USH2A: variants seen among roughly 807,000 people sequenced by gnomAD.
USH2A encodes Usher syndrome 2A (autosomal recessive, mild).
In USH2A, 443 loss-of-function variants were observed where a neutral mutation model predicts 538.9. The ratio of observed to expected loss-of-function variants is 0.82; its 90% CI spans 0.76 to 0.89. USH2A has a LOEUF of 0.89. Among genes scored for constraint, USH2A ranks in the 40% least tolerant of loss-of-function variants. The pLI is 0.00. For missense variants in USH2A, 6,633 were observed against 6,324.8 expected (o/e 1.05, Z -1.65); for synonymous variants, 2,413 against 2,273.5 (o/e 1.06, Z -1.75).
intron 47 of USH2A, among the ~76,000 whole-genome samples, chr1:215,822,363 T>C (rs1017402416): frequency 2.6e-5 from 4 of 151,950 alleles, no homozygotes; most frequent in African/African-American, 9.7e-5. Flanking sequence ...GATTCCTAGG[T>C]ATTTTATATT....
rs150688328 is a variant in USH2A at position 215,634,645 on chromosome 1, G to C, written c.15111C>G (p.Phe5037Leu). 9.9e-6 allele frequency: 16 copies of C among 1,614,120 alleles called. No individual in the cohort carries two copies. The African/African-American group carries it at 2.0e-4, about 20-fold the overall frequency. ...KKGSRSKSTE[F>L]YSELWFIVLM... ...ACACTATGAACCACAGCTCGCTGTA[G>C]AACTCTGTGCTTTTGCTCCGCGATC... The change falls in exon 70 of 72, where the codon TTC (phenylalanine) becomes TTG (leucine). Residue 5037 changes from phenylalanine to leucine, a missense_variant. Phe to Leu is a conservative substitution (Grantham distance 22, BLOSUM62 0). Coordinates refer to ENST00000307340, the MANE Select transcript of USH2A (RefSeq NM_206933.4).
intron 10 of USH2A, among the ~76,000 whole-genome samples, chr1:216,290,117 G>A (rs956392550): frequency 2.4e-4 from 36 of 152,072 alleles, no homozygotes; most frequent in Non-Finnish European, 5.9e-5. Flanking sequence ...AATTTTTAAA[G>A]TGAACGTGAC....
At chr1:215,985,041 T>G (rs538675578) in intron 35 of USH2A, among the ~76,000 whole-genome samples, 32 of 152,242 alleles carry the variant, frequency 2.1e-4, no homozygotes, top group African/African-American at 7.0e-4. Context: ...TGACTGGAGG[T>G]GTTTCATAAA....
intron 38 of USH2A, among the ~76,000 whole-genome samples, chr1:215,908,493 A>G (rs1665695523): frequency 1.3e-5 from 2 of 151,932 alleles, no homozygotes; most frequent in Admixed American, 1.3e-4. Context: ...TATGATATAA[A>G]CTTTAAAGAT....
At chr1:215,788,200 T>C (rs1410794176) in intron 51 of USH2A, among the ~76,000 whole-genome samples, 3 of 152,024 alleles carry the variant, frequency 2.0e-5, no homozygotes, top group Admixed American at 1.3e-4. Context: ...AGCTGGAAAG[T>C]AGATGAATGT....
intron 21 of USH2A, chr1:216,174,218 A>G (rs2034327953): frequency 1.0e-6 from 1 of 985,136 alleles, no homozygotes; most frequent in Admixed American, 6.2e-5. Context: ...TCACATATGC[A>G]ATATTTTAAA....
At position 216,160,179 on chromosome 1, in the gene USH2A, AT is replaced by A. The variant is rs374295924; in HGVS notation, c.4627+15072del. On this transcript the variant is annotated intron_variant, in intron 21 of 71. Coordinates refer to ENST00000307340, the MANE Select transcript of USH2A (RefSeq NM_206933.4). ...TTTTTATAATTTCTTTTATTCAAAT[AT>A]TTTTTGGGTGTCATATGCTGCTTTA... Among the ~76,000 whole-genome samples, 1,383 of 151,882 alleles carry A rather than the reference AT, an allele frequency of 9.1e-3. 20 individuals carry two copies. The highest frequency in any genetic ancestry group is 0.03 in the African/African-American group (1,238 of 41,442).
In USH2A at chr1:216,084,686, T is replaced by G; in HGVS notation, c.5167+12A>C. 1 of 1,612,334 alleles carries G rather than the reference T, an allele frequency of 6.2e-7. No individual in the cohort carries two copies. Among genetic ancestry groups the G allele is most frequent in the African/African-American group, 1.3e-5 (1 of 75,020 alleles). ...TTTTAAGTGAACACTCATGTCTTTT[T>G]TAGAGCATTACCTGCTCCTAGGAAC... is the stretch of plus-strand genomic sequence containing the variant. On this transcript the variant is annotated intron_variant, in intron 25 of 71. Transcript: ENST00000307340.
At chr1:216,304,685 T>C (rs1028119677) in intron 9 of USH2A, among the ~76,000 whole-genome samples, 1 of 152,084 alleles carries the variant, frequency 6.6e-6, no homozygotes, top group African/African-American at 2.4e-5. Context: ...ACCTTTGCTG[T>C]ATCATGGAGG....
intron 58 of USH2A, among the ~76,000 whole-genome samples, chr1:215,746,062 T>C (rs1308187987): frequency 7.0e-6 from 1 of 142,262 alleles, no homozygotes; most frequent in Non-Finnish European, 1.6e-5. Flanking sequence ...CCTCGAATAA[T>C]GTTGTTTCAT....
chr1:216,285,398 A>T (rs2036862267), intron 11 of USH2A, among the ~76,000 whole-genome samples: 1 of 152,222 alleles, frequency 6.6e-6, no homozygotes, highest in Admixed American at 6.5e-5. Flanking sequence ...TGTGCAGAAG[A>T]CAAGAATTGA....
chr1:215,836,477 TATA>T (rs1174796672), intron 47 of USH2A, among the ~76,000 whole-genome samples: 283 of 8,334 alleles, frequency 0.034, 9 homozygotes, highest in African/African-American at 0.094. Context: ...TATATATATA[TATA>T]ATATATATTA....
intron 9 of USH2A, among the ~76,000 whole-genome samples, chr1:216,310,519 T>G (rs752259365): frequency 6.6e-6 from 1 of 152,118 alleles, no homozygotes; most frequent in East Asian, 1.9e-4. Context: ...TTGTAGGAAA[T>G]CTTCATTTCT....
intron 32 of USH2A, among the ~76,000 whole-genome samples, chr1:216,041,080 T>C (rs2030253803): frequency 6.6e-6 from 1 of 152,030 alleles, no homozygotes; most frequent in Admixed American, 6.6e-5. Flanking sequence ...CTAGAATGTA[T>C]ATACCTCACG....
chr1:215,946,571 C>T (rs574814), intron 37 of USH2A, among the ~76,000 whole-genome samples: 3,770 of 152,234 alleles, frequency 0.025, 62 homozygotes, highest in South Asian at 0.054. Flanking sequence ...TCTTGAAACC[C>T]GGTAGACAAA....
At chr1:215,682,160 T>C (rs906522554) in intron 61 of USH2A, among the ~76,000 whole-genome samples, 2 of 152,086 alleles carry the variant, frequency 1.3e-5, no homozygotes, top group African/African-American at 4.8e-5. Context: ...GCAAGATTAA[T>C]AATGCAAAAA....
intron 21 of USH2A, among the ~76,000 whole-genome samples, chr1:216,168,294 A>G (rs1198643870): frequency 4.6e-5 from 7 of 152,166 alleles, no homozygotes; most frequent in Non-Finnish European, 8.8e-5. Context: ...TAAGCAATGA[A>G]GTCTTTGAAA....
At chr1:216,386,313 C>A (rs879736851) in intron 3 of USH2A, among the ~76,000 whole-genome samples, 1 of 151,140 alleles carries the variant, frequency 6.6e-6, no homozygotes, top group Admixed American at 6.6e-5. Context: ...CTGGCTAACA[C>A]GGTGAAACCC....
At chr1:216,134,570 AT>A (rs776916345) in intron 21 of USH2A, among the ~76,000 whole-genome samples, 92 of 152,284 alleles carry the variant, frequency 6.0e-4, no homozygotes, top group Non-Finnish European at 1.0e-3. Context: ...TATGAAACCA[AT>A]TTTGTCAAAT....
Sources: allele counts gnomAD v4.1 joint callset (sites outside exome capture counted in the v4.1 genomes callset), GRCh38; gene constraint gnomAD v4.1.1; transcripts MANE v1.5; gene names NCBI Gene and HGNC (gene_info 2026-07-23, HGNC 2026-07-21).